The following COL24A1 variants were observed in gnomAD, a reference collection of about 807,000 sequenced individuals.
COL24A1 encodes collagen alpha-1(XXIV) chain.
COL24A1 carries 224 observed loss-of-function variants against 253.9 expected under a neutral mutation model. That is an observed-to-expected ratio of 0.88 (90% CI 0.79 to 0.99). The LOEUF is 0.99. Ranked by LOEUF, COL24A1 falls within the 50% of genes least tolerant of loss-of-function variation. COL24A1 has a pLI of 0.00. For missense variants in COL24A1, 2,131 were observed against 2,068.5 expected (o/e 1.03, Z -0.59); for synonymous variants, 685 against 673.7 (o/e 1.02, Z -0.26).
chr1:85,963,115 T>C (rs1204479473), intron 23 of COL24A1, among the ~76,000 whole-genome samples: 1 of 152,180 alleles, frequency 6.6e-6, no homozygotes, highest in Non-Finnish European at 1.5e-5. Context: ...TTGCAGTTCA[T>C]GTTGCATTTC....
intron 3 of COL24A1, among the ~76,000 whole-genome samples, chr1:86,121,451 G>A (rs1478313626): frequency 6.6e-6 from 1 of 151,936 alleles, no homozygotes; most frequent in Non-Finnish European, 1.5e-5. Context: ...CAGATAAAGA[G>A]TTCAGTTATA....
intron 2 of COL24A1, among the ~76,000 whole-genome samples, chr1:86,132,469 G>A (rs1557760121): frequency 6.6e-6 from 1 of 151,980 alleles, no homozygotes; most frequent in Non-Finnish European, 1.5e-5. Context: ...GTATTGCCTA[G>A]GTTTTCTTCT....
At chr1:85,913,209 C>G (rs190782956) in intron 24 of COL24A1, among the ~76,000 whole-genome samples, 1 of 152,154 alleles carries the variant, frequency 6.6e-6, no homozygotes, top group African/African-American at 2.4e-5. Flanking sequence ...ATTCACTGGT[C>G]TCACTGTGTT....
intron 5 of COL24A1, 50 bp downstream of exon 5, chr1:86,112,517 A>T: frequency 4.0e-6 from 6 of 1,503,356 alleles, no homozygotes; most frequent in Non-Finnish European, 2.7e-6. Context: ...AATATCAGGA[A>T]AATCAGGTGA....
intron 2 of COL24A1, among the ~76,000 whole-genome samples, chr1:86,133,684 A>C (rs1175066047): frequency 1.3e-5 from 2 of 152,202 alleles, no homozygotes; most frequent in East Asian, 3.8e-4. Context: ...CCAGCCTTGC[A>C]TCCCAGGGAT....
chr1:85,995,848 C>T (rs565428141), intron 19 of COL24A1, among the ~76,000 whole-genome samples: 53 of 152,098 alleles, frequency 3.5e-4, no homozygotes, highest in Non-Finnish European at 7.1e-4. Context: ...TCCTCCTGCT[C>T]CGGCCACGTA....
intron 19 of COL24A1, among the ~76,000 whole-genome samples, chr1:86,014,024 T>C (rs901530163): frequency 3.9e-5 from 6 of 152,188 alleles, no homozygotes; most frequent in Non-Finnish European, 7.3e-5. Flanking sequence ...ACAGAGACTA[T>C]CCTATCTGAC....
chr1:85,997,735 C>G (rs888452337), intron 19 of COL24A1, among the ~76,000 whole-genome samples: 1 of 148,962 alleles, frequency 6.7e-6, no homozygotes, highest in Non-Finnish European at 1.5e-5. Context: ...GAGCCAAGAT[C>G]GCGCCACTGC....
At chr1:85,747,124 T>TA (rs1231139221) in intron 55 of COL24A1, among the ~76,000 whole-genome samples, 2 of 95,348 alleles carry the variant, frequency 2.1e-5, no homozygotes, top group South Asian at 3.9e-4. Flanking sequence ...TTTTTTTTTT[T>TA]AATTTGAGAT....
At chr1:85,842,417 T>TGACAGA in intron 39 of COL24A1, 24 bp from the exon 40 acceptor site, 1 of 1,480,744 alleles carries the variant, frequency 6.8e-7, no homozygotes, top group African/African-American at 1.4e-5. Flanking sequence ...TAAATATTAG[T>TGACAGA]GAGAGAGAGA....
chr1:85,996,902 T>G (rs1199457957), intron 19 of COL24A1, among the ~76,000 whole-genome samples: 1 of 151,878 alleles, frequency 6.6e-6, no homozygotes, highest in African/African-American at 2.4e-5. Context: ...GGAACTGGCA[T>G]GTCTCAATTA....
rs749811351 is a variant in COL24A1 at position 85,737,426 on chromosome 1, C to T, written c.4752G>A (p.Gln1584=). 5 of 1,612,718 alleles carry T rather than the reference C, an allele frequency of 3.1e-6. No homozygotes were observed. The highest frequency in any genetic ancestry group is 1.3e-5 in the African/African-American group (1 of 74,966). ...EVFCNFSAGG[Q]TCLPPVSVTK... is the part of the protein sequence containing the mutation. Reference sequence around the variant, plus strand: ...TTACAGAAACAGGAGGTAAGCATGTCTGGCCACCAGCACTGAAATTGCAGA... The same window carrying T: ...TTACAGAAACAGGAGGTAAGCATGTTTGGCCACCAGCACTGAAATTGCAGA... Residue 1584 remains glutamine (Q), a synonymous_variant, in exon 58 of 60, where the codon CAG becomes CAA. Transcript: ENST00000370571.
intron 28 of COL24A1, among the ~76,000 whole-genome samples, chr1:85,901,086 C>A (rs187944599): frequency 6.6e-6 from 1 of 152,044 alleles, no homozygotes; most frequent in African/African-American, 2.4e-5. Flanking sequence ...AGCTTCCATA[C>A]AACATAAGAA....
intron 53 of COL24A1, among the ~76,000 whole-genome samples, chr1:85,764,832 T>C (rs1229974832): frequency 1.3e-5 from 2 of 152,124 alleles, no homozygotes; most frequent in African/African-American, 4.8e-5. Context: ...AAGCTGGCTT[T>C]GAACTCCTGG....
At chr1:85,954,815 T>A (rs1478835282) in intron 24 of COL24A1, among the ~76,000 whole-genome samples, 1 of 152,198 alleles carries the variant, frequency 6.6e-6, no homozygotes, top group African/African-American at 2.4e-5. Flanking sequence ...TGACATTCTT[T>A]AAGATAAAGG....
At chr1:85,794,810 G>T (rs1356434753) in intron 47 of COL24A1, among the ~76,000 whole-genome samples, 1 of 152,032 alleles carries the variant, frequency 6.6e-6, no homozygotes, top group African/African-American at 2.4e-5. Flanking sequence ...AAAAATCAAT[G>T]AACAGCTTAC....
rs1167401797 is a variant in COL24A1, at chr1:86,022,526, T to C, written c.2202+12A>G. The C allele has an allele frequency of 6.2e-6, 10 of 1,604,286 alleles. No homozygotes were observed. The East Asian group carries it at 2.0e-4, about 32-fold the overall frequency. On this transcript the variant is annotated intron_variant, in intron 17 of 59. Transcript: ENST00000370571. ...TTTCATATTTACATAAAATTAATGGTATAAACATTACCTTGTCTCCAGGAT... is the reference window on the plus strand; with the variant it reads ...TTTCATATTTACATAAAATTAATGGCATAAACATTACCTTGTCTCCAGGAT...
At position 86,125,177 on chromosome 1, in the gene COL24A1, G is replaced by A; in HGVS notation, c.1159C>T (p.Leu387=). 1 of 1,613,298 alleles carries A rather than the reference G, an allele frequency of 6.2e-7. No individual in the cohort carries two copies. The highest frequency in any genetic ancestry group is 8.5e-7 in the Non-Finnish European group (1 of 1,179,554). The change falls in exon 3 of 60, where the codon CTG becomes TTG. Residue 387 remains leucine, a synonymous_variant. Transcript: ENST00000370571. ...GATGGCATCTTCTTAAACAGTGACA[G>A]ACCAGTTACTCTATCATCATGTTGT... ...ITQHDDRVTG[L]SLFKKMPSIL...
At chr1:85,868,435 C>A in intron 37 of COL24A1, 84 bp downstream of exon 37, 1 of 890,016 alleles carries the variant, frequency 1.1e-6, no homozygotes, top group South Asian at 1.7e-5. Context: ...ATAAGGAGGT[C>A]AGAGTGTGTG....
Sources: gnomAD v4.1 joint callset for allele counts (sites outside exome capture counted in the v4.1 genomes callset) on GRCh38, gnomAD v4.1.1 for gene constraint, MANE v1.5 for transcripts, NCBI Gene and HGNC (gene_info 2026-07-23, HGNC 2026-07-21) for gene names.